MAPK6: variants seen among roughly 807,000 people sequenced by gnomAD.
MAPK6 encodes ERK-3.
MAPK6 carries 19 observed loss-of-function variants against 59.3 expected under a neutral mutation model. The observed-to-expected ratio is 0.32, with a 90% CI of 0.22 to 0.47. The LOEUF (loss-of-function observed/expected upper bound fraction) is 0.47. MAPK6 is among the 20% of genes least tolerant of loss of function. The pLI is 1.00. For synonymous variants in MAPK6, 316 were observed against 290.3 expected, an observed-to-expected ratio of 1.09 and a Z score of -0.90; for missense variants, 724 against 847.9, an observed-to-expected ratio of 0.85 and a Z score of 1.81.
At chr15:52,028,421 T>C (rs2030897000) in intron 1 of MAPK6, among the ~76,000 whole-genome samples, 1 of 152,206 alleles carries the variant, frequency 6.6e-6, no homozygotes, top group Non-Finnish European at 1.5e-5. Context: ...ACCTCGTTCT[T>C]GCCTACATCA....
intron 2 of MAPK6, among the ~76,000 whole-genome samples, chr15:51,984,285 A>G (rs923804921): frequency 3.3e-5 from 5 of 151,806 alleles, no homozygotes; most frequent in Non-Finnish European, 7.4e-5. Flanking sequence ...GTTTTCAGAA[A>G]CAAATTTTTT....
At chr15:51,990,562 T>A (rs1448874360) in intron 2 of MAPK6, among the ~76,000 whole-genome samples, 1 of 152,200 alleles carries the variant, frequency 6.6e-6, no homozygotes, top group African/African-American at 2.4e-5. Context: ...ATGCCTGTAA[T>A]CCCAGTGCTT....
intron 2 of MAPK6, among the ~76,000 whole-genome samples, chr15:52,001,790 T>C (rs1031378466): frequency 6.6e-6 from 1 of 152,190 alleles, no homozygotes; most frequent in African/African-American, 2.4e-5. Context: ...ATTATAGGCG[T>C]GATCCGCCAC....
chr15:52,014,703 T>TAAA (rs796259080), upstream of MAPK6, among the ~76,000 whole-genome samples: 1 of 119,460 alleles, frequency 8.4e-6, no homozygotes, highest in Non-Finnish European at 1.7e-5. Context: ...TGAGATTTTC[T>TAAA]AAAAAAAAAA....
intron 3 of MAPK6, among the ~76,000 whole-genome samples, chr15:52,008,357 G>T (rs576903566): frequency 6.6e-6 from 1 of 152,134 alleles, no homozygotes; most frequent in Non-Finnish European, 1.5e-5. Context: ...TGAAGTTCTG[G>T]TTCCAGTGGA....
At chr15:52,022,740 T>G (rs754219157) in intron 1 of MAPK6, among the ~76,000 whole-genome samples, 1 of 152,218 alleles carries the variant, frequency 6.6e-6, no homozygotes, top group Non-Finnish European at 1.5e-5. Context: ...GAGCATCACA[T>G]TACTTAGAGG....
intron 4 of MAPK6, among the ~76,000 whole-genome samples, chr15:52,060,253 T>TAAAGA (rs573269199): frequency 2.3e-4 from 35 of 152,198 alleles, no homozygotes; most frequent in Admixed American, 3.3e-4. Flanking sequence ...ATTATCTTTC[T>TAAAGA]AAAGAAAAGA....
At chr15:52,055,564 G>C (rs1007690901) in intron 3 of MAPK6, among the ~76,000 whole-genome samples, 22 of 152,176 alleles carry the variant, frequency 1.4e-4, no homozygotes, top group Admixed American at 5.2e-4. Context: ...CGCCTAGGCT[G>C]GAGTGCAGTT....
At chr15:52,018,010 C>A (rs1457831659), upstream of MAPK6, 1 of 152,106 alleles carries the variant, frequency 6.6e-6, no homozygotes, top group East Asian at 1.9e-4. Context: ...CAAGCTCACC[C>A]CAACCACTTA....
chr15:51,985,816 G>A (rs1486638880), intron 2 of MAPK6, among the ~76,000 whole-genome samples: 1 of 151,930 alleles, frequency 6.6e-6, no homozygotes, highest in Non-Finnish European at 1.5e-5. Context: ...AAATTAGCCC[G>A]GCATGGTGGT....
In MAPK6 at chr15:52,057,689, C is replaced by T. The variant is rs571841998; in HGVS notation, c.701-944C>T. On this transcript the variant is annotated intron_variant, in intron 3 of 5. Transcript: ENST00000261845. ...CCTCCCAAGTAGCTGGAACTATAGG[C>T]ATGCGCCTTGCCTGGCTAATTTTTG... Among the ~76,000 whole-genome samples, 7 of 152,286 alleles carry T rather than the reference C, an allele frequency of 4.6e-5. 1 individual carries two copies. The South Asian group carries it at 1.5e-3, about 32-fold the overall frequency.
intron 1 of MAPK6, among the ~76,000 whole-genome samples, chr15:51,977,852 A>C (rs1003881097): frequency 6.6e-6 from 1 of 151,822 alleles, no homozygotes; most frequent in Non-Finnish European, 1.5e-5. Flanking sequence ...CACCATTTGG[A>C]TGCCACCTCA....
rs201116439 is a variant in MAPK6 at position 52,065,741 on chromosome 15, T to C, written c.*741T>C. 5.3e-4 allele frequency: 24 copies of C among 45,138 alleles called. No homozygotes were observed. The East Asian group carries it at 6.1e-3, about 11-fold the overall frequency. The allele number at this position is 45,138 out of a possible 1,614,324, so 2.8% of individuals were successfully genotyped here. On this transcript the variant is annotated 3_prime_UTR_variant, in exon 6 of 6. Transcript: ENST00000261845. ...TTAGTTTTTAAAATTTATTTGCAAA[T>C]ATACTTTACTTTTTCCATTTGGCAC... is the stretch of plus-strand genomic sequence containing the variant.
intron 3 of MAPK6, among the ~76,000 whole-genome samples, chr15:52,004,699 T>C (rs1318755403): frequency 2.6e-5 from 4 of 152,126 alleles, no homozygotes; most frequent in Non-Finnish European, 5.9e-5. Context: ...GCAAGAACGA[T>C]CTCCAGAGGG....
chr15:51,972,512 C>G (rs2057135909), intron 1 of MAPK6, among the ~76,000 whole-genome samples: 1 of 116,836 alleles, frequency 8.6e-6, no homozygotes, highest in Non-Finnish European at 1.8e-5. Flanking sequence ...TAACAAACAG[C>G]TTTTTTAAGC....
chr15:51,985,088 G>C (rs1396572180), intron 2 of MAPK6, among the ~76,000 whole-genome samples: 1 of 152,140 alleles, frequency 6.6e-6, no homozygotes, highest in African/African-American at 2.4e-5. Flanking sequence ...GAGTGTGGTG[G>C]CTTACAACTT....
intron 3 of MAPK6, among the ~76,000 whole-genome samples, chr15:52,009,910 T>C (rs2030006071): frequency 6.6e-6 from 1 of 151,718 alleles, no homozygotes; most frequent in Non-Finnish European, 1.5e-5. Context: ...GTAGCTGGAA[T>C]TACAGGTGCC....
rs567816799 is a variant in MAPK6, at chr15:51,980,508, T to TAA, written c.-879-2698_-879-2697insAA. ...TTTCCTACCAGTTTGGTATCTAGGA[T>TAA]GCATAATACATCATAAACTGGGCAT... On this transcript the variant is annotated intron_variant, in intron 1 of 7. Coordinates refer to the MAPK6 transcript ENST00000691380. Among the ~76,000 whole-genome samples, 320 of 148,292 alleles carry TAA rather than the reference T, an allele frequency of 2.2e-3. 6 individuals are homozygous for TAA. Among genetic ancestry groups the TAA allele is most frequent in the Non-Finnish European group, 4.0e-3 (270 of 67,050 alleles).
chr15:52,010,006 T>G (rs1384017139), intron 3 of MAPK6, among the ~76,000 whole-genome samples: 1 of 152,016 alleles, frequency 6.6e-6, no homozygotes, highest in Non-Finnish European at 1.5e-5. Context: ...CTCCTGACCT[T>G]GTGATCCACC....
Sources: allele counts gnomAD v4.1 joint callset (sites outside exome capture counted in the v4.1 genomes callset), GRCh38; gene constraint gnomAD v4.1.1; transcripts MANE v1.5; gene names NCBI Gene and HGNC (gene_info 2026-07-23, HGNC 2026-07-21).